The following MAP7 variants were observed in gnomAD, a reference collection of about 807,000 sequenced individuals.
The protein encoded by MAP7 is ensconsin.
MAP7 carries 52 observed loss-of-function variants against 94.8 expected under a neutral mutation model. The observed-to-expected ratio is 0.55, with a 90% CI of 0.44 to 0.69. The LOEUF (loss-of-function observed/expected upper bound fraction) is 0.69, where lower values mean the gene tolerates loss of function less well. Among genes scored for constraint, MAP7 ranks in the 30% least tolerant of loss-of-function variants. The probability of loss-of-function intolerance (pLI) is 0.00; values close to 1 mark genes in which losing one functional copy is unlikely to be tolerated. For missense variants in MAP7, 940 were observed against 964.6 expected (o/e 0.97, Z 0.34); for synonymous variants, 350 against 357.0 (o/e 0.98, Z 0.22).
chr6:136,523,659 G>C (rs1436408647), intron 1 of MAP7, among the ~76,000 whole-genome samples: 1 of 152,140 alleles, frequency 6.6e-6, no homozygotes, highest in African/African-American at 2.4e-5. Flanking sequence ...GTGATCCACA[G>C]AAAGTTTGGA....
In MAP7 at chr6:136,500,394, T is replaced by C. The variant is rs376555425; in HGVS notation, c.67+49948A>G. 9.7e-4 allele frequency among the ~76,000 whole-genome samples: 148 copies of C among 152,358 alleles called. No individual in the cohort carries two copies. In the South Asian group the frequency reaches 0.027, roughly 28 times the overall value. On this transcript the variant is annotated intron_variant, in intron 1 of 17. Coordinates refer to ENST00000354570, the MANE Select transcript of MAP7 (RefSeq NM_003980.6). ...ATTCCTTCTTTATGGAACATACTAA[T>C]ATTTGACTTGTTTTTTAATTAATCT...
chr6:136,500,750 C>A (rs1242077844), intron 1 of MAP7, among the ~76,000 whole-genome samples: 1 of 152,154 alleles, frequency 6.6e-6, no homozygotes, highest in East Asian at 1.9e-4. Context: ...TGAGTAATCC[C>A]ATATTCCAGG....
At chr6:136,442,978 A>G (rs1409795247) in intron 1 of MAP7, among the ~76,000 whole-genome samples, 1 of 152,252 alleles carries the variant, frequency 6.6e-6, no homozygotes, top group Non-Finnish European at 1.5e-5. Context: ...AGAAAATATA[A>G]CCATACTAAG....
At chr6:136,502,623 T>A (rs913846254) in intron 1 of MAP7, among the ~76,000 whole-genome samples, 77 of 152,148 alleles carry the variant, frequency 5.1e-4, no homozygotes, top group African/African-American at 1.8e-3. Context: ...CCCTGGGAAA[T>A]GTCCAAAATT....
chr6:136,396,979 T>G (rs1782659861), intron 3 of MAP7, among the ~76,000 whole-genome samples: 1 of 152,204 alleles, frequency 6.6e-6, no homozygotes, highest in Non-Finnish European at 1.5e-5. Flanking sequence ...AATAATTAGT[T>G]TTACCCCAAA....
At chr6:136,367,335 T>C (rs1055983193) in intron 8 of MAP7, among the ~76,000 whole-genome samples, 1 of 152,226 alleles carries the variant, frequency 6.6e-6, no homozygotes, top group Non-Finnish European at 1.5e-5. Context: ...TGGAGGCACC[T>C]ATGTGAACAC....
At chr6:136,434,611 T>C (rs1425852754) in intron 1 of MAP7, among the ~76,000 whole-genome samples, 1 of 152,122 alleles carries the variant, frequency 6.6e-6, no homozygotes. Context: ...TTTTTTTTTT[T>C]TTGAGCTGTT....
At chr6:136,509,555 G>GGTTTTT (rs1364991391) in intron 1 of MAP7, among the ~76,000 whole-genome samples, 1 of 151,908 alleles carries the variant, frequency 6.6e-6, no homozygotes, top group South Asian at 2.1e-4. Flanking sequence ...ACCCAGTTTC[G>GGTTTTT]GTTTTTGTTT....
chr6:136,520,083 G>A (rs2129045878), intron 1 of MAP7, among the ~76,000 whole-genome samples: 1 of 151,398 alleles, frequency 6.6e-6, no homozygotes, highest in South Asian at 2.1e-4. Context: ...TGCACCTCTA[G>A]TTGCAAGCTA....
chr6:136,469,905 AGAG>A (rs1808403145), intron 1 of MAP7, among the ~76,000 whole-genome samples: 3 of 152,218 alleles, frequency 2.0e-5, no homozygotes, highest in Non-Finnish European at 4.4e-5. Flanking sequence ...ACTTGACTAC[AGAG>A]GAGTTCGGGG....
intron 1 of MAP7, among the ~76,000 whole-genome samples, chr6:136,521,743 C>T (rs9321559): frequency 0.071 from 10,785 of 152,164 alleles, 896 homozygotes; most frequent in African/African-American, 0.2. Flanking sequence ...TCTGTGCTCC[C>T]GCCTTTAAGG....
intron 2 of MAP7, among the ~76,000 whole-genome samples, chr6:136,419,570 G>C (rs1218458952): frequency 6.7e-6 from 1 of 149,404 alleles, no homozygotes; most frequent in Non-Finnish European, 1.5e-5. Context: ...TGATATTCAG[G>C]CCCCCATGTG....
chr6:136,536,640 C>T (rs902511876), intron 1 of MAP7, among the ~76,000 whole-genome samples: 1 of 152,222 alleles, frequency 6.6e-6, no homozygotes, highest in African/African-American at 2.4e-5. Context: ...CCTGTTTCCA[C>T]AGGCATGAAG....
Position 136,411,688 on chromosome 6 carries a change from G to A in MAP7, c.176C>T (p.Pro59Leu), listed in dbSNP as rs143864161. ...CTGCCGGTCATCAACACGTAACACA[G>A]GCGGAGGGTCTGAAAGCGAGATTAA... Reference protein sequence around the residue: ...NHSGNKPDPPPVLRVDDRQRL... With the variant: ...NHSGNKPDPPLVLRVDDRQRL... The change falls in exon 3 of 18, where the codon CCT becomes CTT. Residue 59 changes from proline (P) to leucine (L), a missense_variant. Physicochemically the swap from Pro to Leu is moderately conservative, Grantham distance 98 (BLOSUM62 -3). Coordinates refer to ENST00000354570, the MANE Select transcript of MAP7 (RefSeq NM_003980.6). The A allele has an allele frequency of 2.6e-6, 4 of 1,564,874 alleles. No individual in the cohort carries two copies. In the African/African-American group the frequency reaches 5.4e-5, roughly 21 times the overall value.
At chr6:136,395,758 C>T (rs1782287896) in intron 3 of MAP7, among the ~76,000 whole-genome samples, 1 of 152,082 alleles carries the variant, frequency 6.6e-6, no homozygotes, top group Admixed American at 6.5e-5. Flanking sequence ...GGTCTAGTAT[C>T]ATTTTTCTGC....
intron 1 of MAP7, among the ~76,000 whole-genome samples, chr6:136,515,329 A>G (rs1010653376): frequency 6.6e-6 from 1 of 152,216 alleles, no homozygotes; most frequent in Admixed American, 6.5e-5. Context: ...TTGTATCAGC[A>G]TTCAGGCTGT....
chr6:136,505,675 T>C (rs932425249), intron 1 of MAP7, among the ~76,000 whole-genome samples: 6 of 151,820 alleles, frequency 4.0e-5, no homozygotes, highest in Non-Finnish European at 7.4e-5. Flanking sequence ...AACATATGAG[T>C]ACCAGACTTA....
At chr6:136,540,653 G>T (rs1225887539) in intron 1 of MAP7, among the ~76,000 whole-genome samples, 1 of 152,122 alleles carries the variant, frequency 6.6e-6, no homozygotes, top group African/African-American at 2.4e-5. Flanking sequence ...TTTCCATGTG[G>T]TTTCCATAAG....
At chr6:136,501,135 T>G in intron 1 of MAP7, among the ~76,000 whole-genome samples, 1 of 152,222 alleles carries the variant, frequency 6.6e-6, no homozygotes, top group Non-Finnish European at 1.5e-5. Flanking sequence ...AAACCTGAAA[T>G]GTTTCCCTTA....
Sources: allele counts gnomAD v4.1 joint callset (sites outside exome capture counted in the v4.1 genomes callset), GRCh38; gene constraint gnomAD v4.1.1; transcripts MANE v1.5; gene names NCBI Gene and HGNC (gene_info 2026-07-23, HGNC 2026-07-21).